OTC: variants seen among roughly 807,000 people sequenced by gnomAD.
OTC encodes ornithine transcarbamylase, mitochondrial.
Under a neutral mutation model 30.3 loss-of-function variants are expected in OTC, and 3 were observed. That is an observed-to-expected ratio of 0.10 (90% CI 0.05 to 0.26). The LOEUF (loss-of-function observed/expected upper bound fraction) is 0.26. Among genes scored for constraint, OTC ranks in the 10% least tolerant of loss-of-function variants. The probability of loss-of-function intolerance (pLI) is 1.00; values close to 1 mark genes in which losing one functional copy is unlikely to be tolerated. For missense variants in OTC, 194 were observed against 260.3 expected (o/e 0.75, Z 1.75); for synonymous variants, 111 against 99.7 (o/e 1.11, Z -0.67).
chrX:38,388,866 G>A (rs1010257721), intron 4 of OTC, among the ~76,000 whole-genome samples: 6 of 112,196 alleles, frequency 5.3e-5, no homozygotes, highest in Non-Finnish European at 1.1e-4. Flanking sequence ...AATGAATGTA[G>A]ACCACTATAT....
chrX:38,360,904 T>C (rs778620834), intron 1 of OTC, among the ~76,000 whole-genome samples: 4 of 112,421 alleles, frequency 3.6e-5, no homozygotes, highest in Admixed American at 1.9e-4. Context: ...TGGTGATTGG[T>C]CACTGTGCAT....
At chrX:38,340,479 T>TTG in the OTC span, among the ~76,000 whole-genome samples, 3 of 104,588 alleles carry the variant, frequency 2.9e-5, no homozygotes, top group Non-Finnish European at 3.9e-5. Context: ...TTTTGTTTTT[T>TTG]TTTTTTTTTG....
the OTC span, among the ~76,000 whole-genome samples, chrX:38,328,101 A>T: frequency 1.8e-5 from 2 of 112,610 alleles, no homozygotes; most frequent in Non-Finnish European, 3.8e-5. Flanking sequence ...ACATACACAA[A>T]GGGGTAGCCC....
At chrX:38,337,618 C>T in the OTC span, among the ~76,000 whole-genome samples, 1 of 111,966 alleles carries the variant, frequency 8.9e-6, no homozygotes, top group Non-Finnish European at 1.9e-5. Context: ...TTGCCGTATT[C>T]ACCGCTTGGA....
upstream of OTC, among the ~76,000 whole-genome samples, chrX:38,349,857 T>C (rs6520296): frequency 0.13 from 15,013 of 111,449 alleles, 1,168 homozygotes; most frequent in East Asian, 0.6. Context: ...TTTTTTGTTT[T>C]CATAGCGTGC....
At chrX:38,368,112 A>T (rs1178155381) in intron 2 of OTC, among the ~76,000 whole-genome samples, 2 of 38,633 alleles carry the variant, frequency 5.2e-5, no homozygotes, top group African/African-American at 5.7e-4. Context: ...CTGTAATCCC[A>T]GCACTTAGGG....
chrX:38,332,474 G>A, the OTC span, among the ~76,000 whole-genome samples: 1 of 73,148 alleles, frequency 1.4e-5, no homozygotes, highest in South Asian at 8.2e-4. Context: ...TATATGATGT[G>A]TATATATAGC....
At chrX:38,328,470 C>G in the OTC span, among the ~76,000 whole-genome samples, 1 of 112,219 alleles carries the variant, frequency 8.9e-6, no homozygotes, top group Non-Finnish European at 1.9e-5. Context: ...AAAGGCTTAT[C>G]TGAAGAAAGA....
chrX:38,407,199 A>G (rs1373686521), intron 6 of OTC, among the ~76,000 whole-genome samples: 2 of 112,616 alleles, frequency 1.8e-5, no homozygotes, highest in African/African-American at 3.2e-5. Context: ...GGAGTTGGGC[A>G]GAGGAGGGTC....
intron 1 of OTC, among the ~76,000 whole-genome samples, chrX:38,359,814 C>A (rs1033396739): frequency 2.7e-5 from 3 of 111,388 alleles, no homozygotes; most frequent in African/African-American, 9.8e-5. Flanking sequence ...TGGCCTATGT[C>A]TTTTCTTATC....
At chrX:38,353,731 C>A (rs1028058765) in intron 1 of OTC, among the ~76,000 whole-genome samples, 5 of 111,263 alleles carry the variant, frequency 4.5e-5, no homozygotes, top group Non-Finnish European at 9.4e-5. Flanking sequence ...CAGAATGATA[C>A]CGTAAATAAT....
At chrX:38,350,536 C>T (rs2068208886), upstream of OTC, among the ~76,000 whole-genome samples, 1 of 111,988 alleles carries the variant, frequency 8.9e-6, no homozygotes, top group African/African-American at 3.2e-5. Context: ...GTGACATAAT[C>T]AGCAGAAGCT....
intron 8 of OTC, 136 bp from the exon 9 acceptor site, chrX:38,411,726 C>T: frequency 1.1e-5 from 7 of 617,423 alleles, no homozygotes; most frequent in Non-Finnish European, 1.9e-5. Context: ...TGAGATAAAA[C>T]CATCACTCTG....
chrX:38,398,904 T>C (rs76161913), intron 4 of OTC, among the ~76,000 whole-genome samples: 2,415 of 111,304 alleles, frequency 0.022, 36 homozygotes, highest in South Asian at 0.12. Flanking sequence ...GGGCATCAAA[T>C]AAGTAAGGGT....
chrX:38,372,417 A>T (rs2068327720), intron 3 of OTC, among the ~76,000 whole-genome samples: 1 of 112,312 alleles, frequency 8.9e-6, no homozygotes, highest in African/African-American at 3.2e-5. Context: ...TAAATACCTA[A>T]TTTAATAAAC....
At chrX:38,336,361 T>G in the OTC span, among the ~76,000 whole-genome samples, 8 of 109,093 alleles carry the variant, frequency 7.3e-5, no homozygotes, top group Non-Finnish European at 1.5e-4. Flanking sequence ...TCCATTCTCC[T>G]GCTGTGATTT....
intron 9 of OTC, among the ~76,000 whole-genome samples, chrX:38,418,954 T>C (rs1259753892): frequency 8.9e-6 from 1 of 112,194 alleles, no homozygotes; most frequent in Non-Finnish European, 1.9e-5. Context: ...TTTCTTTTAG[T>C]AGTGTTACAG....
the OTC span, among the ~76,000 whole-genome samples, chrX:38,338,456 G>A: frequency 8.9e-6 from 1 of 112,076 alleles, no homozygotes; most frequent in Non-Finnish European, 1.9e-5. Flanking sequence ...GTTGCCTGTG[G>A]CTTGTTTTGT....
intron 8 of OTC, among the ~76,000 whole-genome samples, chrX:38,409,875 A>T (rs1460059091): frequency 1.8e-5 from 2 of 112,100 alleles, no homozygotes; most frequent in African/African-American, 6.5e-5. Flanking sequence ...AATAAAAAGT[A>T]AAAATGTCTT....
Sources: gnomAD v4.1 joint callset for allele counts (sites outside exome capture counted in the v4.1 genomes callset) on GRCh38, gnomAD v4.1.1 for gene constraint, MANE v1.5 for transcripts, NCBI Gene and HGNC (gene_info 2026-07-23, HGNC 2026-07-21) for gene names.